Variants in OTUD4 observed in about 807,000 individuals in gnomAD.
OTUD4 encodes OTU domain-containing protein 4.
OTUD4 carries 24 observed loss-of-function variants against 130.4 expected under a neutral mutation model. The observed-to-expected ratio is 0.18, with a 90% CI of 0.13 to 0.26. The LOEUF is 0.26. Among genes scored for constraint, OTUD4 ranks in the 10% least tolerant of loss-of-function variants. The probability of loss-of-function intolerance (pLI) is 1.00; values close to 1 mark genes in which losing one functional copy is unlikely to be tolerated. For missense variants in OTUD4, 1,031 were observed against 1,329.4 expected (o/e 0.78, Z 3.49); for synonymous variants, 420 against 472.5 (o/e 0.89, Z 1.44).
chr4:145,177,588 T>G (rs977368815), intron 1 of OTUD4, among the ~76,000 whole-genome samples: 1 of 152,234 alleles, frequency 6.6e-6, no homozygotes, highest in African/African-American at 2.4e-5. Context: ...TGGGACAAGA[T>G]AGTGATAAAT....
At chr4:145,168,157 C>A (rs1579284022) in intron 3 of OTUD4, among the ~76,000 whole-genome samples, 1 of 151,958 alleles carries the variant, frequency 6.6e-6, no homozygotes, top group East Asian at 1.9e-4. Flanking sequence ...AACTAATTAA[C>A]CATACTATAA....
chr4:145,145,326 A>T (rs556185587), intron 14 of OTUD4, among the ~76,000 whole-genome samples: 66 of 152,316 alleles, frequency 4.3e-4, no homozygotes, highest in African/African-American at 1.6e-3. Context: ...CACTTCAATT[A>T]TTCCTAAATG....
In OTUD4 at chr4:145,142,277, C is replaced by T; in HGVS notation, c.1741G>A (p.Val581Ile). Residue 581 changes from valine (V) to isoleucine (I), a missense_variant, in exon 18 of 21, where the codon GTA becomes ATA. This residue lies in a region of OTUD4 where 900 missense variants were observed against 1,095.9 expected (regional missense o/e 0.82). Coordinates refer to ENST00000447906, the MANE Select transcript of OTUD4 (RefSeq NM_001366057.1). The part of the protein sequence containing the change: ...NPAPLLVSPE[V>I]HLTPAVPSLP... The stretch of plus-strand genomic sequence containing the variant: ...GAAGGCACCGCAGGAGTTAGATGTA[C>T]CTCTGGAGAAACTAGAAGGGGAGCT... 1 of 1,613,794 alleles carries T rather than the reference C, an allele frequency of 6.2e-7. No homozygotes were observed. Among genetic ancestry groups the T allele is most frequent in the Non-Finnish European group, 8.5e-7 (1 of 1,179,712 alleles).
intron 6 of OTUD4, among the ~76,000 whole-genome samples, chr4:145,160,091 A>G (rs950817268): frequency 3.9e-5 from 6 of 152,232 alleles, no homozygotes; most frequent in African/African-American, 1.4e-4. Context: ...CCCAATCTTA[A>G]GAGACTTAGA....
intron 6 of OTUD4, among the ~76,000 whole-genome samples, chr4:145,160,812 T>TA (rs1303823756): frequency 6.8e-6 from 1 of 147,316 alleles, no homozygotes; most frequent in Non-Finnish European, 1.5e-5. Context: ...GACCCTGTCT[T>TA]AAAAAACAGC....
chr4:145,158,542 A>G (rs1317685358), intron 7 of OTUD4, among the ~76,000 whole-genome samples: 1 of 152,106 alleles, frequency 6.6e-6, no homozygotes, highest in Non-Finnish European at 1.5e-5. Context: ...AGATATACAT[A>G]TATTTTTAAA....
chr4:145,152,455 G>T, intron 11 of OTUD4, 86 bp downstream of exon 11: 1 of 732,438 alleles, frequency 1.4e-6, no homozygotes, highest in Non-Finnish European at 2.3e-6. Context: ...CATTGAATTT[G>T]CAAATACTGA....
chr4:145,139,664 A>G (rs1579240260), intron 20 of OTUD4, among the ~76,000 whole-genome samples: 1 of 152,232 alleles, frequency 6.6e-6, no homozygotes, highest in East Asian at 1.9e-4. Flanking sequence ...ATTTACATCT[A>G]ATTATTCCCC....
At chr4:145,164,332 C>A in intron 4 of OTUD4, 106 bp from the exon 5 acceptor site, 1 of 524,246 alleles carries the variant, frequency 1.9e-6, no homozygotes, top group Non-Finnish European at 3.5e-6. Context: ...GGCACTGTCC[C>A]AACCACTGGA....
At chr4:145,165,229 T>C (rs752009364) in intron 3 of OTUD4, 32 bp from the exon 4 acceptor site, 2 of 1,495,898 alleles carry the variant, frequency 1.3e-6, no homozygotes, top group Admixed American at 3.6e-5. Flanking sequence ...GGCATGTAAG[T>C]GTCTCACACT....
chr4:145,174,600 C>G (rs910012660), intron 2 of OTUD4, 61 bp downstream of exon 2: 1 of 974,054 alleles, frequency 1.0e-6, no homozygotes, highest in African/African-American at 1.6e-5. Flanking sequence ...TAGAACACTT[C>G]TAAAAGCCAA....
rs1750241368 is a variant in OTUD4 at position 145,136,227 on chromosome 4, G to A, written c.*1203C>T. The stretch of plus-strand genomic sequence containing the variant: ...AGTTCAATCTCCAAATGAGAACAGA[G>A]TGCAACATGCAAAGGGAACCTCTAG... On this transcript the variant is annotated 3_prime_UTR_variant, in exon 21 of 21. Transcript: ENST00000447906. 1.3e-5 allele frequency: 2 copies of A among 152,482 alleles called. No homozygotes were observed. Among genetic ancestry groups the A allele is most frequent in the Admixed American group, 1.3e-4 (2 of 15,254 alleles). The allele number at this position is 152,482 out of a possible 1,614,324, so 9.4% of individuals were successfully genotyped here.
intron 4 of OTUD4, among the ~76,000 whole-genome samples, chr4:145,164,495 G>C (rs1560994157): frequency 6.6e-6 from 1 of 152,082 alleles, no homozygotes; most frequent in Non-Finnish European, 1.5e-5. Context: ...AAATTTTGAA[G>C]ATGAAATTTA....
chr4:145,142,365 G>GA (rs773310901), intron 17 of OTUD4, 31 bp from the exon 18 acceptor site: 173 of 1,604,830 alleles, frequency 1.1e-4, no homozygotes, highest in Non-Finnish European at 1.4e-4. Flanking sequence ...GGGGAAGACA[G>GA]AAAAAGACAA....
At position 145,135,477 on chromosome 4, in the gene OTUD4, T is replaced by C. The variant is rs1487482814; in HGVS notation, c.*1953A>G. The C allele has an allele frequency of 2.6e-5, 4 of 152,186 alleles. 1 individual carries two copies. The East Asian group carries it at 7.7e-4, about 29-fold the overall frequency. The allele number at this position is 152,186 out of a possible 1,614,324, so 9.4% of individuals were successfully genotyped here. On this transcript the variant is annotated 3_prime_UTR_variant, in exon 21 of 21. Coordinates refer to ENST00000447906, the MANE Select transcript of OTUD4 (RefSeq NM_001366057.1). Reference sequence around the variant, plus strand: ...TGGTGTTTGTATCAAAATGTGATTTTCATTAAAATCAGGTAAGCTAGTCCT... The same window carrying C: ...TGGTGTTTGTATCAAAATGTGATTTCCATTAAAATCAGGTAAGCTAGTCCT...
chr4:145,150,322 T>TGG (rs1323273809), intron 13 of OTUD4, among the ~76,000 whole-genome samples, 191 bp downstream of exon 13: 3 of 152,252 alleles, frequency 2.0e-5, no homozygotes, highest in Non-Finnish European at 1.5e-5. Flanking sequence ...CTATATATAC[T>TGG]TCCTTGCTTT....
Position 145,155,488 on chromosome 4 carries a change from A to G in OTUD4, c.809-13T>C. The G allele has an allele frequency of 3.7e-6, 6 of 1,608,636 alleles. No individual in the cohort carries two copies. Among genetic ancestry groups the G allele is most frequent in the Non-Finnish European group, 4.2e-6 (5 of 1,178,314 alleles). On this transcript the variant is annotated splice_polypyrimidine_tract_variant and intron_variant, in intron 9 of 20. Transcript: ENST00000447906. ...CGTTTTTGCTGAGCTGTTAAAAAAA[A>G]AAAGGTCAGTATAATATAAAGTTGA...
At position 145,135,081 on chromosome 4, in the gene OTUD4, CTT is replaced by C. The variant is rs1319606088; in HGVS notation, c.*2347_*2348del. 2.9e-6 allele frequency: 1 copy of C among 345,354 alleles called. No homozygotes were observed. The highest frequency in any genetic ancestry group is 5.1e-6 in the Non-Finnish European group (1 of 196,388). 21.4% of individuals were successfully genotyped at this position (345,354 alleles called of 1,614,324 possible). ...CTGGACTAATACATTTAAAAACAAA[CTT>C]AAAGGAAAAAAAGCGAAACCAACCT... On this transcript the variant is annotated 3_prime_UTR_variant, in exon 21 of 21. Coordinates refer to ENST00000447906, the MANE Select transcript of OTUD4 (RefSeq NM_001366057.1).
In OTUD4 at chr4:145,142,262, C is replaced by G; in HGVS notation, c.1756G>C (p.Ala586Pro). The change falls in exon 18 of 21, where the codon GCG becomes CCG. Residue 586 changes from alanine (A) to proline (P), a missense_variant. Physicochemically the swap from Ala to Pro is conservative, Grantham distance 27 (BLOSUM62 -1). Transcript: ENST00000447906. ...ACAGTGGCTGGTAAAGAAGGCACCG[C>G]AGGAGTTAGATGTACCTCTGGAGAA... ...LVSPEVHLTP[A>P]VPSLPATVPA... 5 of 1,613,814 alleles carry G rather than the reference C, an allele frequency of 3.1e-6. No homozygotes were observed. The highest frequency in any genetic ancestry group is 4.2e-6 in the Non-Finnish European group (5 of 1,179,734).
Sources: allele counts gnomAD v4.1 joint callset (sites outside exome capture counted in the v4.1 genomes callset), GRCh38; gene constraint gnomAD v4.1.1; regional missense constraint gnomAD v4.1.1; transcripts MANE v1.5; gene names NCBI Gene and HGNC (gene_info 2026-07-23, HGNC 2026-07-21).